Variants in NUP153 observed in about 807,000 individuals in gnomAD.
The protein encoded by NUP153 is nuclear pore complex protein Nup153.
Under a neutral mutation model 134.6 loss-of-function variants are expected in NUP153, and 27 were observed. That is an observed-to-expected ratio of 0.20 (90% CI 0.15 to 0.28). The LOEUF (loss-of-function observed/expected upper bound fraction) is 0.28. NUP153 is among the 10% of genes least tolerant of loss of function. The pLI is 1.00. For synonymous variants in NUP153, 640 were observed against 623.5 expected, an observed-to-expected ratio of 1.03 and a Z score of -0.40; for missense variants, 1,821 against 1,731.3, an observed-to-expected ratio of 1.05 and a Z score of -0.92.
At position 17,675,198 on chromosome 6, in the gene NUP153, T is replaced by A. The variant is rs975499548; in HGVS notation, c.723+31A>T. On this transcript the variant is annotated intron_variant, in intron 4 of 21. Coordinates refer to ENST00000262077, the MANE Select transcript of NUP153 (RefSeq NM_005124.4). This position sits in a 1 kb window ranked among gnomAD's most constrained non-coding sequence, Gnocchi z 4.4. ...ATAAGCAATAAACACTCAAAACTAA[T>A]GTGATTAAATCCAACCCAGTTAGTA... is the stretch of plus-strand genomic sequence containing the variant. 1 of 1,607,396 alleles carries A rather than the reference T, an allele frequency of 6.2e-7. No individual in the cohort carries two copies. The highest frequency in any genetic ancestry group is 1.7e-5 in the Admixed American group (1 of 58,754).
chr6:17,621,576 AT>A (rs1764643557), intron 20 of NUP153, among the ~76,000 whole-genome samples: 3 of 152,258 alleles, frequency 2.0e-5, no homozygotes. Context: ...GAAGGACATT[AT>A]GTTAGGTGAA....
At chr6:17,671,189 T>TTTG (rs1297896646) in intron 5 of NUP153, among the ~76,000 whole-genome samples, 5 of 152,328 alleles carry the variant, frequency 3.3e-5, no homozygotes, top group African/African-American at 9.6e-5. Flanking sequence ...CCTTTTTAAA[T>TTTG]TTGTTGGATT....
chr6:17,678,072 T>G (rs771412208), intron 2 of NUP153, among the ~76,000 whole-genome samples: 1 of 152,112 alleles, frequency 6.6e-6, no homozygotes, highest in Non-Finnish European at 1.5e-5. Flanking sequence ...AATATGATTC[T>G]GGGCTGGGCA....
chr6:17,620,390 G>A (rs1764590816), intron 20 of NUP153, among the ~76,000 whole-genome samples: 1 of 152,138 alleles, frequency 6.6e-6, no homozygotes, highest in African/African-American at 2.4e-5. Context: ...ACACGCATTG[G>A]GAAAAGGATA....
intron 1 of NUP153, among the ~76,000 whole-genome samples, chr6:17,699,532 C>A (rs1769910218): frequency 6.7e-6 from 1 of 148,594 alleles, no homozygotes; most frequent in Non-Finnish European, 1.5e-5. Flanking sequence ...TTGCAATACT[C>A]TGTGCCTAAT....
At chr6:17,702,518 CA>C (rs762457655) in intron 1 of NUP153, among the ~76,000 whole-genome samples, 1 of 149,708 alleles carries the variant, frequency 6.7e-6, no homozygotes, top group Non-Finnish European at 1.5e-5. Flanking sequence ...AAAAACAAAA[CA>C]AAAAAAATCA....
At position 17,618,670 on chromosome 6, in the gene NUP153, A is replaced by G. The variant is rs142913960; in HGVS notation, c.4175-1975T>C. On this transcript the variant is annotated intron_variant, in intron 20 of 21. Transcript: ENST00000262077. ...AAGCTCCACCTCCCGAGTTCACGCC[A>G]TTCTCCTGCCTCAGTCTCCTGAGTA... 4.1e-3 allele frequency among the ~76,000 whole-genome samples: 616 copies of G among 150,662 alleles called. 10 individuals carry two copies. The East Asian group carries it at 0.071, about 17-fold the overall frequency.
rs1452298450 is a variant in NUP153, at chr6:17,637,359, C to G, written c.2258G>C (p.Cys753Ser). ...VACETPKPGT[C>S]VKRALTLTVV... Reference sequence around the variant, plus strand: ...TGTCAATGTAAGGGCTCGCTTCACACAAGTTCCAGGTTTCGGTGTTTCACA... The same window carrying G: ...TGTCAATGTAAGGGCTCGCTTCACAGAAGTTCCAGGTTTCGGTGTTTCACA... The change falls in exon 16 of 22, where the codon TGT becomes TCT. Residue 753 changes from cysteine (C) to serine (S), a missense_variant. Transcript: ENST00000262077. 1.2e-6 allele frequency: 2 copies of G among 1,614,104 alleles called. No homozygotes were observed. The highest frequency in any genetic ancestry group is 1.1e-5 in the South Asian group (1 of 91,092).
At chr6:17,688,662 C>G in intron 1 of NUP153, 44 bp from the exon 2 acceptor site, 1 of 1,492,774 alleles carries the variant, frequency 6.7e-7, no homozygotes, top group African/African-American at 1.4e-5. Flanking sequence ...AGAAATTTAT[C>G]TTTTTAAAAT....
intron 1 of NUP153, among the ~76,000 whole-genome samples, chr6:17,693,056 TA>T (rs574016739): frequency 2.0e-5 from 3 of 152,318 alleles, no homozygotes; most frequent in Admixed American, 6.5e-5. Flanking sequence ...ATACAGTTCA[TA>T]AAATTATTTT....
chr6:17,658,349 T>A (rs1212943454), intron 11 of NUP153, among the ~76,000 whole-genome samples: 1 of 152,140 alleles, frequency 6.6e-6, no homozygotes, highest in Non-Finnish European at 1.5e-5. Flanking sequence ...TGAGCTGAGA[T>A]CATGCTACTG....
chr6:17,696,051 A>C (rs1305513094), intron 1 of NUP153, among the ~76,000 whole-genome samples: 1 of 151,770 alleles, frequency 6.6e-6, no homozygotes, highest in African/African-American at 2.4e-5. Flanking sequence ...CAATTTTTTG[A>C]AAATAAAATG....
rs1003218541 is a variant in NUP153 at position 17,706,738 on chromosome 6, C to G, written c.-351G>C. ...TGCTGAGGCCTAACTCGACCGCCGA[C>G]TGGTGGGAGTTCTTCCGTCGCCCTA... On this transcript the variant is annotated 5_prime_UTR_variant, in exon 1 of 22. Coordinates refer to ENST00000262077, the MANE Select transcript of NUP153 (RefSeq NM_005124.4). The surrounding 1 kb of genome is among the most constrained non-coding windows in gnomAD (Gnocchi z 5.9). 4.0e-6 allele frequency: 1 copy of G among 250,566 alleles called. No homozygotes were observed. Among genetic ancestry groups the G allele is most frequent in the African/African-American group, 2.3e-5 (1 of 43,806 alleles). The allele number at this position is 250,566 out of a possible 1,614,324, so 15.5% of individuals were successfully genotyped here. A position where few individuals can be genotyped will look rare whatever the true frequency, so the allele number is the denominator to read the frequency against.
intron 2 of NUP153, among the ~76,000 whole-genome samples, chr6:17,681,934 T>C (rs1408774040): frequency 6.6e-6 from 1 of 152,038 alleles, no homozygotes; most frequent in Non-Finnish European, 1.5e-5. Flanking sequence ...AGGCCAGGTG[T>C]GGTGGCTCAT....
chr6:17,685,561 A>C (rs1343267465), intron 2 of NUP153, among the ~76,000 whole-genome samples: 1 of 151,824 alleles, frequency 6.6e-6, no homozygotes, highest in Non-Finnish European at 1.5e-5. Flanking sequence ...AAAAAAAAAA[A>C]AAAACTGTTA....
At position 17,638,764 on chromosome 6, in the gene NUP153, T is replaced by C. The variant is rs1237754443; in HGVS notation, c.1847-994A>G. Among the ~76,000 whole-genome samples the C allele has an allele frequency of 6.6e-6, 1 of 152,210 alleles. No individual in the cohort carries two copies. The highest frequency in any genetic ancestry group is 2.4e-5 in the African/African-American group (1 of 41,458). On this transcript the variant is annotated intron_variant, in intron 15 of 21. Coordinates refer to ENST00000262077, the MANE Select transcript of NUP153 (RefSeq NM_005124.4). The surrounding 1 kb of genome is among the most constrained non-coding windows in gnomAD (Gnocchi z 4.0). The stretch of plus-strand genomic sequence containing the variant: ...CATGAATGCAAAGTGTAACCCCAGA[T>C]ACACAAGACAGACTATACACATTTG...
chr6:17,653,807 G>A (rs75863477), intron 11 of NUP153, among the ~76,000 whole-genome samples: 10,901 of 152,068 alleles, frequency 0.072, 489 homozygotes, highest in Admixed American at 0.11. Context: ...CTCTTGATAG[G>A]GCTTGCATTA....
Position 17,696,712 on chromosome 6 carries a change from G to A in NUP153, c.112-8094C>T, listed in dbSNP as rs184788699. ...GGAGCTTGCAGTGAGCCAAGATGGC[G>A]CCACTGCACTCCAACCTGGGCCACA... On this transcript the variant is annotated intron_variant, in intron 1 of 21. Transcript: ENST00000262077. 5.2e-3 allele frequency among the ~76,000 whole-genome samples: 788 copies of A among 151,504 alleles called. 7 individuals are homozygous for A. The highest frequency in any genetic ancestry group is 0.018 in the African/African-American group (763 of 41,268).
intron 2 of NUP153, among the ~76,000 whole-genome samples, chr6:17,682,145 T>C (rs891240712): frequency 1.3e-5 from 2 of 152,164 alleles, no homozygotes; most frequent in African/African-American, 4.8e-5. Flanking sequence ...ACACACGTTT[T>C]TGGTTTCCCA....
Sources: allele counts gnomAD v4.1 joint callset (sites outside exome capture counted in the v4.1 genomes callset), GRCh38; gene constraint gnomAD v4.1.1; non-coding constraint Gnocchi (gnomAD v3.1); transcripts MANE v1.5; gene names NCBI Gene and HGNC (gene_info 2026-07-23, HGNC 2026-07-21).